The following MYOM1 variants were observed in gnomAD, a reference collection of about 807,000 sequenced individuals.
MYOM1 encodes the protein myomesin-1.
MYOM1 carries 164 observed loss-of-function variants against 205.3 expected under a neutral mutation model. The ratio of observed to expected loss-of-function variants is 0.80; its 90% CI spans 0.70 to 0.91. The LOEUF (loss-of-function observed/expected upper bound fraction) is 0.91. MYOM1 is among the 40% of genes least tolerant of loss of function. The probability of loss-of-function intolerance (pLI) is 0.00; values close to 1 mark genes in which losing one functional copy is unlikely to be tolerated. For synonymous variants in MYOM1, 772 were observed against 789.4 expected, an observed-to-expected ratio of 0.98 and a Z score of 0.37; for missense variants, 2,011 against 2,127.3, an observed-to-expected ratio of 0.95 and a Z score of 1.08.
At chr18:3,104,513 T>C (rs927833812) in intron 22 of MYOM1, among the ~76,000 whole-genome samples, 1 of 150,714 alleles carries the variant, frequency 6.6e-6, no homozygotes, top group Non-Finnish European at 1.5e-5. Context: ...ATCTTGATTG[T>C]GAAAGATTTG....
chr18:3,220,699 G>T (rs1328503616), upstream of MYOM1, among the ~76,000 whole-genome samples: 1 of 152,130 alleles, frequency 6.6e-6, no homozygotes, highest in African/African-American at 2.4e-5. Context: ...CCACTATATT[G>T]ATAGCACTTA....
intron 8 of MYOM1, among the ~76,000 whole-genome samples, chr18:3,172,428 A>T (rs2080572985): frequency 6.6e-6 from 1 of 152,192 alleles, no homozygotes; most frequent in African/African-American, 2.4e-5. Flanking sequence ...GAGATGGGCA[A>T]GCTACATTCA....
intron 19 of MYOM1, among the ~76,000 whole-genome samples, chr18:3,124,833 A>G (rs190782577): frequency 2.0e-5 from 3 of 152,240 alleles, no homozygotes; most frequent in African/African-American, 7.2e-5. Context: ...ACAAAGGCAC[A>G]AAAATCACTA....
chr18:3,202,025 G>T (rs2081075149), intron 2 of MYOM1, among the ~76,000 whole-genome samples: 1 of 152,098 alleles, frequency 6.6e-6, no homozygotes, highest in South Asian at 2.1e-4. Flanking sequence ...ATTCATAGTT[G>T]TAATATACTT....
At chr18:3,178,590 C>T (rs915085717) in intron 5 of MYOM1, among the ~76,000 whole-genome samples, 1 of 152,300 alleles carries the variant, frequency 6.6e-6, no homozygotes, top group African/African-American at 2.4e-5. Context: ...TACACCCCTC[C>T]GTCCCTAAAG....
chr18:3,178,166 G>A (rs2080676543), intron 5 of MYOM1, among the ~76,000 whole-genome samples: 3 of 152,232 alleles, frequency 2.0e-5, no homozygotes, highest in Non-Finnish European at 2.9e-5. Context: ...ACGCACAGAT[G>A]ACGTCAATAA....
At chr18:3,121,725 G>A (rs770824197) in intron 19 of MYOM1, among the ~76,000 whole-genome samples, 1 of 152,102 alleles carries the variant, frequency 6.6e-6, no homozygotes, top group South Asian at 2.1e-4. Context: ...TCACCAAAAC[G>A]AAAGAAACTC....
chr18:3,147,466 T>G (rs548905748), intron 13 of MYOM1, among the ~76,000 whole-genome samples: 2 of 152,052 alleles, frequency 1.3e-5, no homozygotes, highest in Non-Finnish European at 2.9e-5. Flanking sequence ...TTTGTAGAAG[T>G]TGATAAGCTG....
chr18:3,193,349 T>C (rs913449365), intron 3 of MYOM1, among the ~76,000 whole-genome samples: 57 of 137,226 alleles, frequency 4.2e-4, no homozygotes, highest in African/African-American at 1.5e-3. Context: ...TACATATACA[T>C]ATATATATAT....
At chr18:3,216,629 T>C (rs985065555) in intron 1 of MYOM1, among the ~76,000 whole-genome samples, 4 of 151,910 alleles carry the variant, frequency 2.6e-5, no homozygotes, top group African/African-American at 9.7e-5. Flanking sequence ...ATGGGAGAGG[T>C]ATAGGAGATG....
At position 3,083,867 on chromosome 18, in the gene MYOM1, T is replaced by C. The variant is rs1238330911; in HGVS notation, c.4406A>G (p.Gln1469Arg). 1 of 1,583,298 alleles carries C rather than the reference T, an allele frequency of 6.3e-7. No individual in the cohort carries two copies. The highest frequency in any genetic ancestry group is 8.6e-7 in the Non-Finnish European group (1 of 1,163,280). The change falls in exon 33 of 38, where the codon CAG becomes CGG. Residue 1469 changes from glutamine (Q) to arginine (R), a missense_variant. By Grantham distance (43) the Gln-to-Arg change is conservative. Transcript: ENST00000356443. Reference protein sequence around the residue: ...IALSATDLKIQSTAEGIQLYS... With the variant: ...IALSATDLKIRSTAEGIQLYS... ...CAGTTGGATGCCCTCGGCTGTGCTC[T>C]GGATTTTCAGGTCTGTAGCAGACAA...
chr18:3,116,227 G>T, intron 21 of MYOM1, 104 bp downstream of exon 21: 1 of 1,256,768 alleles, frequency 8.0e-7, no homozygotes. Flanking sequence ...CCCAATATAT[G>T]AAACAGATCA....
chr18:3,142,172 C>G, intron 13 of MYOM1, 109 bp from the exon 14 acceptor site: 2 of 1,313,916 alleles, frequency 1.5e-6, no homozygotes, highest in Non-Finnish European at 1.0e-6. Context: ...TATGTCTCCA[C>G]AGTTTAAAGA....
intron 22 of MYOM1, among the ~76,000 whole-genome samples, chr18:3,105,779 T>G (rs549234081): frequency 9.2e-5 from 14 of 152,152 alleles, no homozygotes; most frequent in Admixed American, 3.9e-4. Flanking sequence ...CGCTTGGACC[T>G]GAGAGACGGA....
chr18:3,112,219 G>T, intron 22 of MYOM1, 79 bp downstream of exon 22: 2 of 1,145,784 alleles, frequency 1.7e-6, no homozygotes, highest in South Asian at 1.4e-5. Flanking sequence ...GAAAATTAGA[G>T]GAAAGCACAG....
At chr18:3,099,092 T>C (rs764845169) in intron 25 of MYOM1, among the ~76,000 whole-genome samples, 5 of 152,096 alleles carry the variant, frequency 3.3e-5, no homozygotes, top group Non-Finnish European at 2.9e-5. Flanking sequence ...GTGCTGGGAG[T>C]ACAGGTGTGA....
At chr18:3,078,044 A>T (rs76834170) in intron 34 of MYOM1, among the ~76,000 whole-genome samples, 1 of 145,904 alleles carries the variant, frequency 6.9e-6, no homozygotes, top group Non-Finnish European at 1.5e-5. Flanking sequence ...TTGAGGTTGT[A>T]TTTTTTTTTT....
intron 21 of MYOM1, among the ~76,000 whole-genome samples, chr18:3,115,201 C>T (rs1370087493): frequency 6.6e-6 from 1 of 152,152 alleles, no homozygotes; most frequent in African/African-American, 2.4e-5. Context: ...AGGCTTCAGT[C>T]CTTCCTTGAA....
chr18:3,204,029 C>G (rs1252181375), intron 2 of MYOM1, among the ~76,000 whole-genome samples: 1 of 151,910 alleles, frequency 6.6e-6, no homozygotes, highest in Non-Finnish European at 1.5e-5. Context: ...TCAATAGATG[C>G]AGAAAAAGCA....
Sources: allele counts gnomAD v4.1 joint callset (sites outside exome capture counted in the v4.1 genomes callset), GRCh38; gene constraint gnomAD v4.1.1; transcripts MANE v1.5; gene names NCBI Gene and HGNC (gene_info 2026-07-23, HGNC 2026-07-21).